NBEA: variants seen among roughly 807,000 people sequenced by gnomAD.
The protein encoded by NBEA is lysosomal-trafficking regulator 2.
NBEA carries 44 observed loss-of-function variants against 343.4 expected under a neutral mutation model. The ratio of observed to expected loss-of-function variants is 0.13; its 90% CI spans 0.10 to 0.16. The LOEUF (loss-of-function observed/expected upper bound fraction) is 0.16. Ranked by LOEUF, NBEA falls within the 10% of genes least tolerant of loss-of-function variation. The pLI is 1.00. For missense variants in NBEA, 2,555 were observed against 3,631.3 expected (o/e 0.70, Z 7.62); for synonymous variants, 1,175 against 1,238.7 (o/e 0.95, Z 1.08).
At chr13:35,265,890 A>G (rs1490025871) in intron 34 of NBEA, among the ~76,000 whole-genome samples, 1 of 151,988 alleles carries the variant, frequency 6.6e-6, no homozygotes, top group Non-Finnish European at 1.5e-5. Flanking sequence ...GGCACAGCAA[A>G]GAAAACAAAC....
chr13:35,013,016 A>T (rs1024165518), intron 1 of NBEA, among the ~76,000 whole-genome samples: 36 of 152,342 alleles, frequency 2.4e-4, no homozygotes, highest in Admixed American at 1.4e-3. Flanking sequence ...TTCTTTTATC[A>T]AATAGATAGT....
chr13:35,411,192 G>A (rs1223467146), intron 38 of NBEA, among the ~76,000 whole-genome samples: 1 of 152,084 alleles, frequency 6.6e-6, no homozygotes, highest in African/African-American at 2.4e-5. Context: ...TATCCTACTT[G>A]TTTAAAATTT....
At chr13:35,422,044 A>C (rs2044305664) in intron 38 of NBEA, among the ~76,000 whole-genome samples, 1 of 136,630 alleles carries the variant, frequency 7.3e-6, no homozygotes, top group Non-Finnish European at 1.6e-5. Context: ...CTGTACATTT[A>C]TGTTTTTGCC....
At chr13:35,659,234 T>C (rs1452501485) in intron 55 of NBEA, among the ~76,000 whole-genome samples, 2 of 152,200 alleles carry the variant, frequency 1.3e-5, no homozygotes, top group East Asian at 1.9e-4. Flanking sequence ...GTAGCTGTTA[T>C]AATGAAGGGA....
chr13:35,278,563 A>G (rs766409045), intron 34 of NBEA, among the ~76,000 whole-genome samples: 7 of 152,236 alleles, frequency 4.6e-5, no homozygotes, highest in Non-Finnish European at 1.0e-4. Flanking sequence ...CTGTTGGTTT[A>G]GCCACTTTTG....
chr13:35,033,111 G>A (rs900721581), intron 1 of NBEA, among the ~76,000 whole-genome samples: 1 of 151,558 alleles, frequency 6.6e-6, no homozygotes, highest in African/African-American at 2.4e-5. Flanking sequence ...TCTTCAATGT[G>A]TTTTTATAGT....
rs2081621363 is a variant in NBEA at position 35,593,365 on chromosome 13, G to T, written c.7214G>T (p.Gly2405Val). Residue 2405 changes from glycine (G) to valine (V), a missense_variant, in exon 47 of 59, where the codon GGA (glycine) becomes GTA (valine). Around this residue, in one of 21 missense-constraint regions of NBEA, gnomAD observed 156 missense variants for 185.8 expected, o/e 0.84. Transcript: ENST00000379939. ...FTTFFLNANDGKFDHPDRTFS... is the reference protein window; with the variant it reads ...FTTFFLNANDVKFDHPDRTFS... ...ACCTTCTTCCTCAATGCAAATGATG[G>T]AAAATTTGATCATCCAGATCGAACC... The T allele has an allele frequency of 6.2e-7, 1 of 1,612,502 alleles. No homozygotes were observed. The highest frequency in any genetic ancestry group is 1.7e-5 in the Admixed American group (1 of 59,906).
At chr13:35,101,019 T>TA (rs1319719141) in intron 11 of NBEA, among the ~76,000 whole-genome samples, 1 of 152,024 alleles carries the variant, frequency 6.6e-6, no homozygotes, top group Non-Finnish European at 1.5e-5. Context: ...ATCCATGTTA[T>TA]AGCATATTTT....
intron 7 of NBEA, 126 bp downstream of exon 7, chr13:35,056,255 A>G: frequency 1.2e-6 from 1 of 857,344 alleles, no homozygotes; most frequent in South Asian, 5.7e-5. Context: ...TCTTTTTATT[A>G]AATAAATCTT....
chr13:34,970,939 C>T (rs1057069155), intron 1 of NBEA, among the ~76,000 whole-genome samples: 1 of 152,140 alleles, frequency 6.6e-6, no homozygotes, highest in Non-Finnish European at 1.5e-5. Context: ...ATGCGAATAG[C>T]ATTGAATCTG....
Position 35,548,620 on chromosome 13 carries a change from C to A in NBEA, c.6586-1857C>A, listed in dbSNP as rs74044729. Among the ~76,000 whole-genome samples, 393 of 151,914 alleles carry A rather than the reference C, an allele frequency of 2.6e-3. 3 individuals are homozygous for A. Among genetic ancestry groups the A allele is most frequent in the African/African-American group, 9.0e-3 (372 of 41,406 alleles). On this transcript the variant is annotated intron_variant, in intron 41 of 58. Coordinates refer to ENST00000379939, the MANE Select transcript of NBEA (RefSeq NM_001385012.1). ...TCAAATGGCCATAGTATTTTTAGTA[C>A]CTTAGTGAAATAATTATTATAGTTG...
At chr13:35,583,575 T>A (rs1034467354) in intron 45 of NBEA, among the ~76,000 whole-genome samples, 1 of 152,174 alleles carries the variant, frequency 6.6e-6, no homozygotes, top group Admixed American at 6.5e-5. Flanking sequence ...ATTATGTAGC[T>A]TATTAAGTAG....
chr13:35,112,270 C>G (rs2066255619), intron 13 of NBEA, among the ~76,000 whole-genome samples: 1 of 151,700 alleles, frequency 6.6e-6, no homozygotes, highest in East Asian at 1.9e-4. Context: ...GTTGTTTTGT[C>G]CTTTTATGGC....
At chr13:35,603,189 C>T (rs2082133722) in intron 47 of NBEA, among the ~76,000 whole-genome samples, 1 of 152,124 alleles carries the variant, frequency 6.6e-6, no homozygotes, top group Admixed American at 6.6e-5. Flanking sequence ...TTCTGACCAT[C>T]TGTGTATTCC....
intron 38 of NBEA, among the ~76,000 whole-genome samples, chr13:35,363,000 T>A (rs527606885): frequency 8.9e-4 from 135 of 152,082 alleles, no homozygotes; most frequent in African/African-American, 3.0e-3. Flanking sequence ...TCATGCAGTC[T>A]ATTCACTTTC....
chr13:35,202,639 ATTCACTTCT>A (rs958018538), intron 31 of NBEA, among the ~76,000 whole-genome samples: 1 of 151,610 alleles, frequency 6.6e-6, no homozygotes, highest in African/African-American at 2.4e-5. Context: ...GTCCCTTTGC[ATTCACTTCT>A]TTGGCCATCT....
At chr13:35,649,581 A>T in intron 51 of NBEA, 74 bp from the exon 52 acceptor site, 1 of 1,287,078 alleles carries the variant, frequency 7.8e-7, no homozygotes, top group African/African-American at 1.5e-5. Context: ...GTTTAACCTC[A>T]TTCTCCCTAG....
chr13:34,942,919 T>C lies in NBEA; in HGVS notation c.99T>C (p.Gly33=). The change falls in exon 1 of 59, where the codon GGT becomes GGC. Residue 33 remains glycine, a synonymous_variant. Transcript: ENST00000379939. ...GAAGGGGGGS[G]GGGTGGSGMG... ...CTGGCGGAGGCGGCGGGGGCAGCGG[T>C]GGTGGCGGCACCGGGGGCAGCGGGA... 6.7e-7 allele frequency: 1 copy of C among 1,490,584 alleles called. No individual in the cohort carries two copies. The highest frequency in any genetic ancestry group is 2.6e-5 in the East Asian group (1 of 38,410). 92.3% of individuals were successfully genotyped at this position (1,490,584 alleles called of 1,614,324 possible). A position where few individuals can be genotyped will look rare whatever the true frequency, so the allele number is the denominator to read the frequency against.
chr13:35,293,600 A>T (rs79284381), intron 35 of NBEA, among the ~76,000 whole-genome samples: 2 of 151,960 alleles, frequency 1.3e-5, no homozygotes, highest in Admixed American at 1.3e-4. Flanking sequence ...ATAGCTTTTT[A>T]AAAAAGTTTT....
Sources: gnomAD v4.1 joint callset for allele counts (sites outside exome capture counted in the v4.1 genomes callset) on GRCh38, gnomAD v4.1.1 for gene constraint, gnomAD v4.1.1 regional missense constraint, MANE v1.5 for transcripts, NCBI Gene and HGNC (gene_info 2026-07-23, HGNC 2026-07-21) for gene names.